WWP2: variants seen among roughly 807,000 people sequenced by gnomAD.
The protein encoded by WWP2 is NEDD4-like E3 ubiquitin-protein ligase WWP2.
WWP2 carries 57 observed loss-of-function variants against 121.0 expected under a neutral mutation model. That is an observed-to-expected ratio of 0.47 (90% CI 0.38 to 0.59). The LOEUF (loss-of-function observed/expected upper bound fraction) is 0.59, where lower values mean the gene tolerates loss of function less well. Ranked by LOEUF, WWP2 falls within the 20% of genes least tolerant of loss-of-function variation. WWP2 has a pLI of 0.00. For missense variants in WWP2, 962 were observed against 1,158.9 expected, an observed-to-expected ratio of 0.83 and a Z score of 2.47; for synonymous variants, 449 against 441.3, an observed-to-expected ratio of 1.02 and a Z score of -0.22.
chr16:69,880,872 C>T (rs961970095), intron 7 of WWP2, among the ~76,000 whole-genome samples: 1 of 152,202 alleles, frequency 6.6e-6, no homozygotes, highest in African/African-American at 2.4e-5. Context: ...CCGAGAAGTC[C>T]TGAGTGTCCA....
chr16:69,889,674 G>A (rs1441044532), intron 8 of WWP2, among the ~76,000 whole-genome samples: 4 of 152,286 alleles, frequency 2.6e-5, no homozygotes, highest in Admixed American at 6.5e-5. Flanking sequence ...CTTCTGAACC[G>A]GGAGGTGAAG....
At chr16:69,797,270 C>T (rs142797294) in intron 2 of WWP2, among the ~76,000 whole-genome samples, 10 of 152,266 alleles carry the variant, frequency 6.6e-5, no homozygotes, top group South Asian at 6.2e-4. Flanking sequence ...AGATGACTAA[C>T]GACACATGGC....
At chr16:69,791,600 C>T (rs1048404759) in intron 2 of WWP2, among the ~76,000 whole-genome samples, 1 of 152,170 alleles carries the variant, frequency 6.6e-6, no homozygotes, top group African/African-American at 2.4e-5. Flanking sequence ...CAGCTCACTG[C>T]AGCCTCAAAA....
chr16:69,785,736 C>T (rs182191167), intron 1 of WWP2, among the ~76,000 whole-genome samples: 2 of 151,558 alleles, frequency 1.3e-5, no homozygotes, highest in East Asian at 1.9e-4. Context: ...AAGCGATTCT[C>T]CTGCCTCAGC....
At chr16:69,865,275 C>T (rs1051113424) in intron 6 of WWP2, among the ~76,000 whole-genome samples, 11 of 152,052 alleles carry the variant, frequency 7.2e-5, no homozygotes, top group African/African-American at 2.7e-4. Flanking sequence ...GTCTCGAACT[C>T]CCGACCTCAG....
chr16:69,859,469 C>T (rs1005708745), intron 6 of WWP2, among the ~76,000 whole-genome samples: 1 of 151,988 alleles, frequency 6.6e-6, no homozygotes, highest in South Asian at 2.1e-4. Flanking sequence ...GCGGGAGGAT[C>T]GCTTGAGCCC....
chr16:69,832,792 C>T (rs1171902390), intron 4 of WWP2, among the ~76,000 whole-genome samples: 1 of 152,226 alleles, frequency 6.6e-6, no homozygotes, highest in African/African-American at 2.4e-5. Flanking sequence ...ATCTGCCTGC[C>T]TTGGCCTCCC....
At chr16:69,765,211 AAAAG>A (rs763996918) in intron 1 of WWP2, among the ~76,000 whole-genome samples, 2 of 152,196 alleles carry the variant, frequency 1.3e-5, no homozygotes, top group African/African-American at 4.8e-5. Flanking sequence ...AAAAAAAAGA[AAAAG>A]AAAAAGAAAA....
chr16:69,895,234 G>A (rs7200005), intron 8 of WWP2: 71,489 of 152,080 alleles, frequency 0.47, 17,166 homozygotes, highest in East Asian at 0.57. Context: ...TAAACCAGGC[G>A]CTGCCATTGA....
At position 69,777,296 on chromosome 16, in the gene WWP2, A is replaced by G. The variant is rs551038988; in HGVS notation, c.-15-9700A>G. 7.9e-5 allele frequency among the ~76,000 whole-genome samples: 12 copies of G among 151,696 alleles called. No homozygotes were observed. The South Asian group carries it at 1.9e-3, about 24-fold the overall frequency. ...TAATACTTTCCTTTGTGTGTGATAT[A>G]CTTTTATATTTTCTTTTTTTTTGAA... is the stretch of plus-strand genomic sequence containing the variant. On this transcript the variant is annotated intron_variant, in intron 1 of 23. Transcript: ENST00000359154.
At chr16:69,813,161 AT>A (rs201294551) in intron 4 of WWP2, among the ~76,000 whole-genome samples, 1,675 of 135,926 alleles carry the variant, frequency 0.012, 15 homozygotes, top group African/African-American at 0.035. Flanking sequence ...TTCTGGTGTA[AT>A]TTTTTTTTTT....
chr16:69,932,888 G>A lies in WWP2; in HGVS notation c.1682+998G>A, dbSNP rs190066157. Among the ~76,000 whole-genome samples the A allele has an allele frequency of 3.9e-4, 60 of 152,334 alleles. 1 individual carries two copies. The highest frequency in any genetic ancestry group is 3.5e-3 in the Admixed American group (54 of 15,302). ...GAGAGAGAGCGCTGTGGCCCGCAGCGACCTCTCCGCTCGAGACCTCTCCCG... is the reference window on the plus strand; with the variant it reads ...GAGAGAGAGCGCTGTGGCCCGCAGCAACCTCTCCGCTCGAGACCTCTCCCG... On this transcript the variant is annotated intron_variant, in intron 16 of 23. Coordinates refer to ENST00000359154, the MANE Select transcript of WWP2 (RefSeq NM_001270454.2).
At chr16:69,904,398 G>A (rs2058254731) in intron 8 of WWP2, among the ~76,000 whole-genome samples, 1 of 145,136 alleles carries the variant, frequency 6.9e-6, no homozygotes, top group Non-Finnish European at 1.5e-5. Context: ...TTTTTGAGTT[G>A]GGGTCTATTG....
chr16:69,810,604 T>C (rs906527914), intron 4 of WWP2, among the ~76,000 whole-genome samples: 2 of 149,392 alleles, frequency 1.3e-5, no homozygotes, highest in African/African-American at 2.5e-5. Context: ...ATTTTTTGTA[T>C]TTTTTTTTAG....
chr16:69,795,441 G>T (rs1279403818), intron 2 of WWP2, among the ~76,000 whole-genome samples: 1 of 152,004 alleles, frequency 6.6e-6, no homozygotes, highest in Non-Finnish European at 1.5e-5. Context: ...TATTTCAAGT[G>T]TCAATAGCCA....
intron 9 of WWP2, among the ~76,000 whole-genome samples, chr16:69,912,019 G>A (rs550736864): frequency 9.2e-5 from 14 of 152,148 alleles, no homozygotes; most frequent in Non-Finnish European, 1.6e-4. Flanking sequence ...GCTGGGCTCG[G>A]TTGCTCACGC....
intron 4 of WWP2, among the ~76,000 whole-genome samples, chr16:69,804,229 T>C (rs1270723542): frequency 6.6e-6 from 1 of 152,254 alleles, no homozygotes; most frequent in East Asian, 1.9e-4. Flanking sequence ...TCTTTCATGC[T>C]TTGGAAGGCA....
Position 69,937,215 on chromosome 16 carries a change from T to G in WWP2, c.2215T>G (p.Tyr739Asp). The part of the protein sequence containing the change: ...NEVAPLEWLR[Y>D]FDEKELELML... ...GGTGGCCCCGCTGGAGTGGCTGCGC[T>G]ACTTTGACGAGAAAGAGCTGGAGGT... The change falls in exon 20 of 24, where the codon TAC (tyrosine) becomes GAC (aspartate). Residue 739 changes from tyrosine to aspartate, a missense_variant. Tyr to Asp is a radical substitution (Grantham distance 160). This residue lies in a region of WWP2 where 606 missense variants were observed against 772.6 expected (regional missense o/e 0.78). Transcript: ENST00000359154. This position sits in a 1 kb window ranked among gnomAD's most constrained non-coding sequence, Gnocchi z 6.6. The G allele has an allele frequency of 6.2e-7, 1 of 1,613,740 alleles. No homozygotes were observed. The highest frequency in any genetic ancestry group is 1.1e-5 in the South Asian group (1 of 91,008).
rs933380273 is a variant in WWP2 at position 69,794,257 on chromosome 16, G to T, written c.71-4425G>T. On this transcript the variant is annotated intron_variant, in intron 2 of 23. Transcript: ENST00000359154. ...ATTAAACTATAGGCTGGGTGTGGTG[G>T]CTCATGCCTGTAATCCCAGTACTTT... Among the ~76,000 whole-genome samples the T allele has an allele frequency of 4.6e-5, 7 of 152,210 alleles. No individual in the cohort carries two copies. In the South Asian group the frequency reaches 1.4e-3, roughly 32 times the overall value.
Sources: gnomAD v4.1 joint callset for allele counts (sites outside exome capture counted in the v4.1 genomes callset) on GRCh38, gnomAD v4.1.1 for gene constraint, gnomAD v4.1.1 regional missense constraint, Gnocchi (gnomAD v3.1) non-coding constraint, MANE v1.5 for transcripts, NCBI Gene and HGNC (gene_info 2026-07-23, HGNC 2026-07-21) for gene names.